Variants in IGF2R observed in about 807,000 individuals in gnomAD.
The protein encoded by IGF2R is cation-independent mannose-6-phosphate receptor.
Under a neutral mutation model 270.6 loss-of-function variants are expected in IGF2R, and 91 were observed. That is an observed-to-expected ratio of 0.34 (90% CI 0.28 to 0.40). The LOEUF (loss-of-function observed/expected upper bound fraction) is 0.40, where lower values mean the gene tolerates loss of function less well. Among genes scored for constraint, IGF2R ranks in the 10% least tolerant of loss-of-function variants. The probability of loss-of-function intolerance (pLI) is 1.00; values close to 1 mark genes in which losing one functional copy is unlikely to be tolerated. For missense variants in IGF2R, 2,805 were observed against 3,188.3 expected (o/e 0.88, Z 2.90); for synonymous variants, 1,316 against 1,258.9 (o/e 1.05, Z -0.96).
intron 12 of IGF2R, 56 bp from the exon 13 acceptor site, chr6:160,044,458 C>A: frequency 2.3e-6 from 1 of 432,612 alleles, no homozygotes; most frequent in Non-Finnish European, 3.7e-6. Context: ...ACTTCTTTGT[C>A]TGCGTGATGA....
intron 39 of IGF2R, among the ~76,000 whole-genome samples, chr6:160,082,312 AT>A (rs71682394): frequency 1.8e-3 from 268 of 145,818 alleles, no homozygotes; most frequent in African/African-American, 4.3e-3. Context: ...ATTATCTTAA[AT>A]TTTTTTTTTT....
chr6:160,023,617 T>C (rs1777486612), intron 4 of IGF2R, among the ~76,000 whole-genome samples: 1 of 152,160 alleles, frequency 6.6e-6, no homozygotes, highest in African/African-American at 2.4e-5. Flanking sequence ...AGCTGAGGCA[T>C]GGAGGTTAAC....
intron 13 of IGF2R, 100 bp from the exon 14 acceptor site, chr6:160,045,645 C>T: frequency 6.9e-7 from 1 of 1,442,558 alleles, no homozygotes; most frequent in Non-Finnish European, 9.7e-7. Context: ...ACCTCATTTC[C>T]CACTGTCCCT....
intron 2 of IGF2R, 92 bp from the exon 3 acceptor site, chr6:160,008,918 T>G: frequency 7.6e-7 from 1 of 1,317,676 alleles, no homozygotes; most frequent in Non-Finnish European, 1.1e-6. Context: ...TCAGATACAT[T>G]ATAATGCTAC....
intron 2 of IGF2R, among the ~76,000 whole-genome samples, chr6:159,999,019 C>G (rs1784090348): frequency 6.6e-6 from 1 of 152,026 alleles, no homozygotes; most frequent in African/African-American, 2.4e-5. Context: ...GCAAATCTGC[C>G]CCCGAAGTCC....
In IGF2R at chr6:160,091,403, G is replaced by C. The variant is rs557961130; in HGVS notation, c.6655+1300G>C. Among the ~76,000 whole-genome samples, 14 of 152,224 alleles carry C rather than the reference G, an allele frequency of 9.2e-5. No individual in the cohort carries two copies. In the South Asian group the frequency reaches 2.7e-3, roughly 29 times the overall value. On this transcript the variant is annotated intron_variant, in intron 44 of 47. Coordinates refer to ENST00000356956, the MANE Select transcript of IGF2R (RefSeq NM_000876.4). ...ATCGCCGAGAAGGAGCAGGTGCTCC[G>C]TGCCCTGGTGCTGAGTGCATCTCCA...
chr6:159,993,217 G>A (rs923336255), intron 2 of IGF2R, among the ~76,000 whole-genome samples: 1 of 152,142 alleles, frequency 6.6e-6, no homozygotes, highest in African/African-American at 2.4e-5. Flanking sequence ...TTACTCTGCT[G>A]TGCAGAAGCT....
rs1777924727 is a variant in IGF2R at position 160,040,645 on chromosome 6, T to C, written c.1401T>C (p.Val467=). ...CATGGGACACGGAATACGCCTGTGT[T>C]AAGGAGAAGGAAGACCTCCTCTGCG... is the stretch of plus-strand genomic sequence containing the variant. ...FFTWDTEYAC[V]KEKEDLLCGA... The change falls in exon 11 of 48, where the codon GTT becomes GTC. Residue 467 remains valine (V), a synonymous_variant. Coordinates refer to ENST00000356956, the MANE Select transcript of IGF2R (RefSeq NM_000876.4). 1 of 1,614,158 alleles carries C rather than the reference T, an allele frequency of 6.2e-7. No homozygotes were observed. Among genetic ancestry groups the C allele is most frequent in the Non-Finnish European group, 8.5e-7 (1 of 1,179,998 alleles).
intron 39 of IGF2R, among the ~76,000 whole-genome samples, chr6:160,081,641 C>G (rs1255978505): frequency 6.6e-6 from 1 of 152,242 alleles, no homozygotes; most frequent in East Asian, 1.9e-4. Flanking sequence ...TTATCTGCAA[C>G]TGCATAAGGC....
At chr6:160,022,763 T>G (rs1161651040) in intron 4 of IGF2R, among the ~76,000 whole-genome samples, 1 of 152,126 alleles carries the variant, frequency 6.6e-6, no homozygotes, top group African/African-American at 2.4e-5. Flanking sequence ...AGGCTGAGTA[T>G]GGGAGACAGA....
At chr6:160,045,308 A>G (rs555058842) in intron 13 of IGF2R, among the ~76,000 whole-genome samples, 2 of 152,162 alleles carry the variant, frequency 1.3e-5, no homozygotes, top group Admixed American at 6.5e-5. Flanking sequence ...TTTCCTTTGG[A>G]TAAGTTCCCA....
chr6:160,078,476 G>A, intron 37 of IGF2R, 114 bp downstream of exon 37: 1 of 979,482 alleles, frequency 1.0e-6, no homozygotes, highest in Non-Finnish European at 1.6e-6. Context: ...GGGTGTATGT[G>A]GCCACTGGGC....
In IGF2R at chr6:160,068,060, T is replaced by TGG. The variant is rs368684860; in HGVS notation, c.4116-184_4116-183dup. Among the ~76,000 whole-genome samples the TGG allele has an allele frequency of 8.5e-3, 999 of 118,018 alleles. 4 individuals carry two copies. Among genetic ancestry groups the TGG allele is most frequent in the Non-Finnish European group, 0.014 (729 of 53,178 alleles). The allele number at this position is 118,018 out of a possible 152,430, so 77.4% of individuals were successfully genotyped here. ...GAAGTTATGTTGTTGCTGATTCTGA[T>TGG]GGGGGGTGTGTGTGTGTGTGTGTGT... is the stretch of plus-strand genomic sequence containing the variant. On this transcript the variant is annotated intron_variant, in intron 29 of 47. Transcript: ENST00000356956.
At position 160,063,515 on chromosome 6, in the gene IGF2R, T is replaced by C. The variant is rs751174588; in HGVS notation, c.3771T>C (p.Tyr1257=). ...DTIVSAGEYT[Y]YFRVCGKLSS... ...TCGTGAGCGCTGGCGAATACACTTA[T>C]TACTTCCGGGTCTGTGGGAAGCTTT... is the stretch of plus-strand genomic sequence containing the variant. Residue 1257 remains tyrosine, a synonymous_variant, in exon 27 of 48, where the codon TAT becomes TAC. Transcript: ENST00000356956. The C allele has an allele frequency of 1.7e-5, 27 of 1,614,174 alleles. No individual in the cohort carries two copies. Among genetic ancestry groups the C allele is most frequent in the South Asian group, 9.9e-5 (9 of 91,084 alleles).
At chr6:160,057,071 G>T (rs187579270) in intron 20 of IGF2R, among the ~76,000 whole-genome samples, 1 of 152,106 alleles carries the variant, frequency 6.6e-6, no homozygotes, top group Non-Finnish European at 1.5e-5. Flanking sequence ...GTCTCACCGT[G>T]GCCCTGTGTG....
At chr6:160,003,377 T>C (rs535344595) in intron 2 of IGF2R, 4 of 152,244 alleles carry the variant, frequency 2.6e-5, no homozygotes, top group Non-Finnish European at 5.9e-5. Flanking sequence ...CTCCTGATAG[T>C]CTGGCAATAC....
chr6:160,029,558 T>A lies in IGF2R; in HGVS notation c.785T>A (p.Leu262Gln). The change falls in exon 7 of 48, where the codon CTG becomes CAG. Residue 262 changes from leucine (L) to glutamine (Q), a missense_variant. Around this residue, in one of 2 missense-constraint regions of IGF2R, gnomAD observed 954 missense variants for 981.1 expected, o/e 0.97. Coordinates refer to ENST00000356956, the MANE Select transcript of IGF2R (RefSeq NM_000876.4). ...CAATGTGGCTCTCCCAGGCTTGTCCTGAGTTACGTGAGGGAAGAGGCAGGA... is the reference window on the plus strand; with the variant it reads ...CAATGTGGCTCTCCCAGGCTTGTCCAGAGTTACGTGAGGGAAGAGGCAGGA... The part of the protein sequence containing the change: ...LKLVRKDRLV[L>Q]SYVREEAGKL... 1 of 1,612,118 alleles carries A rather than the reference T, an allele frequency of 6.2e-7. No homozygotes were observed. The highest frequency in any genetic ancestry group is 1.1e-5 in the South Asian group (1 of 91,042).
At chr6:160,025,822 G>A (rs1436102429) in intron 5 of IGF2R, among the ~76,000 whole-genome samples, 2 of 152,188 alleles carry the variant, frequency 1.3e-5, no homozygotes, top group South Asian at 2.1e-4. Context: ...GTAGATTATT[G>A]AATTCTGGAA....
Position 160,050,723 on chromosome 6 carries a change from T to C in IGF2R, c.2694+71T>C. On this transcript the variant is annotated intron_variant, in intron 19 of 47. Transcript: ENST00000356956. This position sits in a 1 kb window ranked among gnomAD's most constrained non-coding sequence, Gnocchi z 4.0. ...GACTGAGCGTTGCCTTATGTGTCTCTTAACAGCAGCAGTCTTGGGGTGGGT... is the reference window on the plus strand; with the variant it reads ...GACTGAGCGTTGCCTTATGTGTCTCCTAACAGCAGCAGTCTTGGGGTGGGT... 7.2e-7 allele frequency: 1 copy of C among 1,385,150 alleles called. No homozygotes were observed. The highest frequency in any genetic ancestry group is 9.8e-7 in the Non-Finnish European group (1 of 1,017,660). The allele number at this position is 1,385,150 out of a possible 1,614,324, so 85.8% of individuals were successfully genotyped here.
Sources: allele counts gnomAD v4.1 joint callset (sites outside exome capture counted in the v4.1 genomes callset), GRCh38; gene constraint gnomAD v4.1.1; regional missense constraint gnomAD v4.1.1; non-coding constraint Gnocchi (gnomAD v3.1); transcripts MANE v1.5; gene names NCBI Gene and HGNC (gene_info 2026-07-23, HGNC 2026-07-21).